The following GRM7 variants were observed in gnomAD, a reference collection of about 807,000 sequenced individuals.
The protein encoded by GRM7 is metabotropic glutamate receptor 7.
Under a neutral mutation model 84.5 loss-of-function variants are expected in GRM7, and 35 were observed. That is an observed-to-expected ratio of 0.41 (90% confidence interval 0.32 to 0.55). GRM7 has a LOEUF of 0.55. GRM7 is among the 20% of genes least tolerant of loss of function. The pLI is 0.19. For synonymous variants in GRM7, 487 were observed against 455.1 expected (o/e 1.07, Z -0.89); for missense variants, 1,003 against 1,194.6 (o/e 0.84, Z 2.36).
chr3:7,377,460 T>A (rs991487234), intron 4 of GRM7, among the ~76,000 whole-genome samples: 2 of 152,196 alleles, frequency 1.3e-5, no homozygotes, highest in Non-Finnish European at 2.9e-5. Flanking sequence ...GCGTCTGGAA[T>A]CAATAGTGGG....
intron 9 of GRM7, among the ~76,000 whole-genome samples, chr3:7,704,437 A>AT (rs1046736251): frequency 1.3e-4 from 20 of 152,108 alleles, no homozygotes; most frequent in Non-Finnish European, 2.4e-4. Context: ...GTTTGAGAGT[A>AT]TTTTTTTCTA....
intron 1 of GRM7, among the ~76,000 whole-genome samples, chr3:7,067,750 A>G (rs553459395): frequency 1.0e-3 from 154 of 152,122 alleles, no homozygotes; most frequent in African/African-American, 3.4e-3. Context: ...CCTGACTTGA[A>G]TAAGGCTGGG....
chr3:7,286,462 C>T (rs969393095), intron 2 of GRM7, among the ~76,000 whole-genome samples: 9 of 152,068 alleles, frequency 5.9e-5, no homozygotes, highest in South Asian at 2.1e-4. Flanking sequence ...AAATGATTTG[C>T]GGATTCAGCT....
intron 2 of GRM7, among the ~76,000 whole-genome samples, chr3:7,280,964 G>A (rs1699233143): frequency 6.6e-6 from 1 of 151,992 alleles, no homozygotes; most frequent in African/African-American, 2.4e-5. Flanking sequence ...TTTTAACTTG[G>A]CACCTTCCAT....
At chr3:6,983,777 T>G (rs1483706101) in intron 1 of GRM7, among the ~76,000 whole-genome samples, 1 of 151,568 alleles carries the variant, frequency 6.6e-6, no homozygotes, top group Non-Finnish European at 1.5e-5. Context: ...TTTTCTACAA[T>G]CCAACCTCAG....
intron 4 of GRM7, among the ~76,000 whole-genome samples, chr3:7,350,134 T>A (rs1559257080): frequency 6.6e-6 from 1 of 152,132 alleles, no homozygotes; most frequent in Non-Finnish European, 1.5e-5. Context: ...TTGTTTCAAG[T>A]TTTACTTCAT....
At position 7,587,739 on chromosome 3, in the gene GRM7, C is replaced by G. The variant is rs112936479; in HGVS notation, c.2451+8382C>G. On this transcript the variant is annotated intron_variant, in intron 8 of 9. Transcript: ENST00000357716. ...TTTACCCTGGGAAGATAGGCACTGG[C>G]TACCAGTCGTGATTTAAATGGACTT... Among the ~76,000 whole-genome samples the G allele has an allele frequency of 3.1e-3, 476 of 152,286 alleles. 3 individuals are homozygous for G. The highest frequency in any genetic ancestry group is 0.011 in the African/African-American group (446 of 41,560).
chr3:7,301,148 G>T (rs1699985935), intron 3 of GRM7, among the ~76,000 whole-genome samples: 1 of 135,126 alleles, frequency 7.4e-6, no homozygotes, highest in African/African-American at 2.5e-5. Context: ...CTCCATCATG[G>T]TCTTTGCTCA....
At chr3:7,072,508 C>T (rs1439406408) in intron 1 of GRM7, among the ~76,000 whole-genome samples, 6 of 151,760 alleles carry the variant, frequency 4.0e-5, no homozygotes, top group Non-Finnish European at 8.8e-5. Context: ...ATAGTGAGAC[C>T]CTGTCTCTAC....
chr3:7,147,577 G>C (rs1324666778), intron 2 of GRM7, among the ~76,000 whole-genome samples: 1 of 152,154 alleles, frequency 6.6e-6, no homozygotes, highest in African/African-American at 2.4e-5. Context: ...GAGGAAAGAT[G>C]TCATAAATTG....
chr3:7,077,745 A>G lies in GRM7; in HGVS notation c.520-68707A>G, dbSNP rs116185780. Among the ~76,000 whole-genome samples the G allele has an allele frequency of 4.8e-3, 730 of 152,248 alleles. 7 individuals carry two copies. Among genetic ancestry groups the G allele is most frequent in the African/African-American group, 0.017 (690 of 41,558 alleles). ...ATAATAAAAAATAAAGATTTTATAA[A>G]TAAAAAAAGAAAATTGTGTTATAAA... On this transcript the variant is annotated intron_variant, in intron 1 of 9. Coordinates refer to ENST00000357716, the MANE Select transcript of GRM7 (RefSeq NM_000844.4).
intron 7 of GRM7, among the ~76,000 whole-genome samples, chr3:7,547,210 T>G (rs911728023): frequency 1.7e-4 from 24 of 138,744 alleles, no homozygotes; most frequent in East Asian, 4.1e-4. Flanking sequence ...TTTTTTTTTT[T>G]TTTTTTTTTT....
At chr3:6,887,935 A>T (rs1695766585) in intron 1 of GRM7, among the ~76,000 whole-genome samples, 1 of 152,150 alleles carries the variant, frequency 6.6e-6, no homozygotes, top group Non-Finnish European at 1.5e-5. Flanking sequence ...AACTGGTGTG[A>T]GATAGTATCT....
intron 8 of GRM7, among the ~76,000 whole-genome samples, chr3:7,592,202 G>A (rs1436882863): frequency 6.6e-6 from 1 of 151,986 alleles, no homozygotes; most frequent in Non-Finnish European, 1.5e-5. Flanking sequence ...AGTAGCCAGA[G>A]ACAGACTTTA....
At chr3:7,389,729 G>A (rs190036445) in intron 4 of GRM7, among the ~76,000 whole-genome samples, 1 of 151,274 alleles carries the variant, frequency 6.6e-6, no homozygotes, top group East Asian at 1.9e-4. Context: ...CCTTTACTCT[G>A]AGTCTATGAG....
At chr3:6,967,702 A>T (rs1377746397) in intron 1 of GRM7, among the ~76,000 whole-genome samples, 1 of 152,242 alleles carries the variant, frequency 6.6e-6, no homozygotes, top group Non-Finnish European at 1.5e-5. Context: ...CAGAACAAAT[A>T]TAAAACAAAA....
intron 7 of GRM7, among the ~76,000 whole-genome samples, chr3:7,479,874 A>G (rs113374334): frequency 5.1e-4 from 78 of 152,352 alleles, no homozygotes; most frequent in African/African-American, 1.8e-3. Context: ...AAGGCTGGAA[A>G]GATTTTTAAA....
At chr3:7,144,593 T>C (rs1270510006) in intron 1 of GRM7, among the ~76,000 whole-genome samples, 1 of 152,172 alleles carries the variant, frequency 6.6e-6, no homozygotes, top group Non-Finnish European at 1.5e-5. Context: ...CGATGATTAT[T>C]ACTCCCATGT....
At chr3:7,411,427 C>G (rs1695931227) in intron 4 of GRM7, among the ~76,000 whole-genome samples, 1 of 152,174 alleles carries the variant, frequency 6.6e-6, no homozygotes, top group Non-Finnish European at 1.5e-5. Flanking sequence ...CCCCAACACT[C>G]TGTTTCTGTC....
Sources: gnomAD v4.1 joint callset for allele counts (sites outside exome capture counted in the v4.1 genomes callset) on GRCh38, gnomAD v4.1.1 for gene constraint, MANE v1.5 for transcripts, NCBI Gene and HGNC (gene_info 2026-07-23, HGNC 2026-07-21) for gene names.